The following TMEM132B variants were observed in gnomAD, a reference collection of about 807,000 sequenced individuals.
The protein encoded by TMEM132B is transmembrane protein 132B.
TMEM132B carries 18 observed loss-of-function variants against 90.8 expected under a neutral mutation model. That is an observed-to-expected ratio of 0.20 (90% CI 0.14 to 0.29). TMEM132B has a LOEUF of 0.29. TMEM132B is among the 10% of genes least tolerant of loss of function. TMEM132B has a pLI of 1.00. For missense variants in TMEM132B, 1,096 were observed against 1,326.8 expected, an observed-to-expected ratio of 0.83 and a Z score of 2.70; for synonymous variants, 504 against 523.3, an observed-to-expected ratio of 0.96 and a Z score of 0.50.
Position 125,654,483 on chromosome 12 carries a change from G to A in TMEM132B, c.3025G>A (p.Val1009Ile). ...TCAACTACTCAGACCCTCTGACTATGTCTATGAGAAAGAAATTAAAAATGA... is the reference window on the plus strand; with the variant it reads ...TCAACTACTCAGACCCTCTGACTATATCTATGAGAAAGAAATTAAAAATGA... ...HSQLLRPSDY[V>I]YEKEIKNEPM... Residue 1009 changes from valine to isoleucine, a missense_variant, in exon 9 of 9, where the codon GTC (valine) becomes ATC (isoleucine). Transcript: ENST00000682704. This position sits in a 1 kb window ranked among gnomAD's most constrained non-coding sequence, Gnocchi z 5.8. 2 of 1,613,858 alleles carry A rather than the reference G, an allele frequency of 1.2e-6. No individual in the cohort carries two copies. Among genetic ancestry groups the A allele is most frequent in the Non-Finnish European group, 1.7e-6 (2 of 1,180,016 alleles).
rs143199293 is a variant in TMEM132B at position 125,534,718 on chromosome 12, A to G, written c.1293+15093A>G. On this transcript the variant is annotated intron_variant, in intron 4 of 8. Coordinates refer to ENST00000682704, the MANE Select transcript of TMEM132B (RefSeq NM_001366854.1). ...CAGTTACATCCACTTTATTTTTATT[A>G]TTACTATTACTACCATCACTACTAC... 8.7e-3 allele frequency among the ~76,000 whole-genome samples: 597 copies of G among 68,404 alleles called. 4 individuals carry two copies. The highest frequency in any genetic ancestry group is 0.029 in the African/African-American group (571 of 19,356). 44.9% of individuals were successfully genotyped at this position (68,404 alleles called of 152,430 possible). A position where few individuals can be genotyped will look rare whatever the true frequency, so the allele number is the denominator to read the frequency against.
chr12:125,505,193 A>AAAAAAAAAC (rs1566056628), intron 3 of TMEM132B, among the ~76,000 whole-genome samples: 14 of 145,332 alleles, frequency 9.6e-5, no homozygotes, highest in African/African-American at 3.7e-4. Flanking sequence ...AAAAAAAAAA[A>AAAAAAAAAC]AACAGTAAGT....
rs567373883 is a variant in TMEM132B, at chr12:125,662,346, G to C, written c.*7636G>C. 1.3e-5 allele frequency: 2 copies of C among 152,084 alleles called. No homozygotes were observed. Among genetic ancestry groups the C allele is most frequent in the Non-Finnish European group, 2.9e-5 (2 of 68,004 alleles). 9.4% of individuals were successfully genotyped at this position (152,084 alleles called of 1,614,324 possible). A position where few individuals can be genotyped will look rare whatever the true frequency, so the allele number is the denominator to read the frequency against. ...AGGCACTTCCAAACATTTTGAAAAC[G>C]AAGAAATAAAACATGTTGGATGATT... On this transcript the variant is annotated 3_prime_UTR_variant, in exon 9 of 9. Transcript: ENST00000682704.
intron 2 of TMEM132B, among the ~76,000 whole-genome samples, chr12:125,367,664 GA>G (rs1878174359): frequency 6.6e-6 from 1 of 152,102 alleles, no homozygotes; most frequent in Non-Finnish European, 1.5e-5. Context: ...AAAAATGGGG[GA>G]AATTCTTCCT....
At chr12:125,481,820 G>A (rs1882050957) in intron 3 of TMEM132B, among the ~76,000 whole-genome samples, 1 of 152,088 alleles carries the variant, frequency 6.6e-6, no homozygotes, top group Non-Finnish European at 1.5e-5. Flanking sequence ...AAAGAACAAA[G>A]CTGGAGGCAT....
intron 2 of TMEM132B, among the ~76,000 whole-genome samples, chr12:125,384,643 A>G (rs1197070601): frequency 3.3e-5 from 5 of 152,090 alleles, no homozygotes; most frequent in Admixed American, 3.3e-4. Context: ...CTCTAGTCTA[A>G]CTGAAAGTTT....
rs945583826 is a variant in TMEM132B at position 125,454,375 on chromosome 12, C to T, written c.1106+38698C>T. Reference sequence around the variant, plus strand: ...AAGGAAGTGCCTGCCTACAGCCAGCCGTGTGTGTGTGTGTGTTTGTGTGTG... The same window carrying T: ...AAGGAAGTGCCTGCCTACAGCCAGCTGTGTGTGTGTGTGTGTTTGTGTGTG... On this transcript the variant is annotated intron_variant, in intron 3 of 8. Transcript: ENST00000682704. Among the ~76,000 whole-genome samples the T allele has an allele frequency of 4.2e-5, 5 of 119,952 alleles. No individual in the cohort carries two copies. In the South Asian group the frequency reaches 7.2e-4, roughly 17 times the overall value. 78.7% of individuals were successfully genotyped at this position (119,952 alleles called of 152,430 possible). A position where few individuals can be genotyped will look rare whatever the true frequency, so the allele number is the denominator to read the frequency against.
intron 1 of TMEM132B, among the ~76,000 whole-genome samples, chr12:125,304,232 C>T (rs1241732072): frequency 6.6e-6 from 1 of 152,220 alleles, no homozygotes; most frequent in Non-Finnish European, 1.5e-5. Flanking sequence ...CGGCGGTAAA[C>T]ACAGATGAAG....
At position 125,270,050 on chromosome 12, in the gene TMEM132B, CT is replaced by C. The variant is rs368774453; in HGVS notation, c.68-79400del. ...TCTCTTAAAAAAAAAAAACGCTACA[CT>C]TCCCAGGTTCCTTTGCAGCTAAGCA... On this transcript the variant is annotated intron_variant, in intron 1 of 8. Transcript: ENST00000682704. 9.6e-3 allele frequency among the ~76,000 whole-genome samples: 1,448 copies of C among 151,614 alleles called. 24 individuals carry two copies. Among genetic ancestry groups the C allele is most frequent in the South Asian group, 0.073 (350 of 4,774 alleles).
At chr12:125,259,035 C>T (rs907217973) in intron 1 of TMEM132B, among the ~76,000 whole-genome samples, 19 of 152,230 alleles carry the variant, frequency 1.2e-4, no homozygotes, top group Admixed American at 4.6e-4. Context: ...CAGCTGTGAA[C>T]TGTGAGGATG....
intron 1 of TMEM132B, among the ~76,000 whole-genome samples, chr12:125,262,991 G>T (rs1162211891): frequency 6.6e-6 from 1 of 151,514 alleles, no homozygotes; most frequent in Non-Finnish European, 1.5e-5. Flanking sequence ...GTGGATTGGA[G>T]TCTGTTTCAT....
intron 5 of TMEM132B, among the ~76,000 whole-genome samples, chr12:125,623,172 T>C (rs1020463100): frequency 7.2e-5 from 11 of 152,208 alleles, no homozygotes; most frequent in African/African-American, 2.7e-4. Flanking sequence ...CACCATTTGA[T>C]GAATTGTAAG....
At chr12:125,552,375 AG>A (rs1158728538) in intron 4 of TMEM132B, among the ~76,000 whole-genome samples, 1 of 152,272 alleles carries the variant, frequency 6.6e-6, no homozygotes, top group Non-Finnish European at 1.5e-5. Context: ...GCAGAGACAG[AG>A]GGGGGTGCCC....
At chr12:125,233,063 G>A (rs1211314897) in intron 1 of TMEM132B, among the ~76,000 whole-genome samples, 1 of 152,110 alleles carries the variant, frequency 6.6e-6, no homozygotes, top group African/African-American at 2.4e-5. Flanking sequence ...CCCTGGCTTG[G>A]GGTGTTTGTT....
chr12:125,265,993 C>T (rs895445580), intron 1 of TMEM132B, among the ~76,000 whole-genome samples: 7 of 152,058 alleles, frequency 4.6e-5, no homozygotes, highest in African/African-American at 1.7e-4. Context: ...CTTTGGGTGG[C>T]CGAGGCAGGT....
chr12:125,577,979 C>T lies in TMEM132B; in HGVS notation c.1294-5872C>T, dbSNP rs117911356. 3.4e-4 allele frequency among the ~76,000 whole-genome samples: 52 copies of T among 152,190 alleles called. No homozygotes were observed. The East Asian group carries it at 8.5e-3, about 25-fold the overall frequency. The stretch of plus-strand genomic sequence containing the variant: ...TCAGGTAATTTACTTTGTACAATTT[C>T]AGTCCTTTCAAATTTGTTGAGACTT... On this transcript the variant is annotated intron_variant, in intron 4 of 8. Transcript: ENST00000682704.
chr12:125,281,755 G>A (rs1001044451), intron 1 of TMEM132B, among the ~76,000 whole-genome samples: 1 of 152,076 alleles, frequency 6.6e-6, no homozygotes, highest in Non-Finnish European at 1.5e-5. Context: ...GAGGTCGGGC[G>A]CGGTGGCTCA....
intron 3 of TMEM132B, among the ~76,000 whole-genome samples, chr12:125,436,086 C>G (rs1880690320): frequency 6.6e-6 from 1 of 152,148 alleles, no homozygotes; most frequent in Non-Finnish European, 1.5e-5. Flanking sequence ...CGGTCTTTGC[C>G]TCTTTCCATC....
At chr12:125,567,810 A>G (rs1884695124) in intron 4 of TMEM132B, among the ~76,000 whole-genome samples, 1 of 152,210 alleles carries the variant, frequency 6.6e-6, no homozygotes, top group African/African-American at 2.4e-5. Context: ...CAGGCAACAA[A>G]GAAATGTTTT....
Sources: gnomAD v4.1 joint callset for allele counts (sites outside exome capture counted in the v4.1 genomes callset) on GRCh38, gnomAD v4.1.1 for gene constraint, Gnocchi (gnomAD v3.1) non-coding constraint, MANE v1.5 for transcripts, NCBI Gene and HGNC (gene_info 2026-07-23, HGNC 2026-07-21) for gene names.